TMEM245: variants seen among roughly 807,000 people sequenced by gnomAD.
TMEM245 encodes the protein protein CG-2.
Under a neutral mutation model 101.2 loss-of-function variants are expected in TMEM245, and 69 were observed. The observed-to-expected ratio is 0.68, with a 90% CI of 0.56 to 0.83. The LOEUF is 0.83. Ranked by LOEUF, TMEM245 falls within the 40% of genes least tolerant of loss-of-function variation. The pLI is 0.00. For missense variants in TMEM245, 1,075 were observed against 1,092.8 expected, an observed-to-expected ratio of 0.98 and a Z score of 0.23; for synonymous variants, 537 against 449.8, an observed-to-expected ratio of 1.19 and a Z score of -2.45.
At chr9:109,089,228 T>C (rs1470143358) in intron 5 of TMEM245, among the ~76,000 whole-genome samples, 3 of 139,136 alleles carry the variant, frequency 2.2e-5, no homozygotes, top group Non-Finnish European at 4.9e-5. Flanking sequence ...AGTGAGACCT[T>C]GTCTCAAAAA....
chr9:109,020,680 CTT>C (rs1021573443), intron 17 of TMEM245, among the ~76,000 whole-genome samples, 175 bp from the exon 18 acceptor site: 7 of 152,192 alleles, frequency 4.6e-5, no homozygotes, highest in African/African-American at 1.7e-4. Flanking sequence ...AGAACTCCAT[CTT>C]TTTGCTGGAT....
rs1830430388 is a variant in TMEM245, at chr9:109,106,574, G to A, written c.733C>T (p.Leu245=). Residue 245 remains leucine, a synonymous_variant, in exon 3 of 18, where the codon CTG becomes TTG. Coordinates refer to ENST00000374586, the MANE Select transcript of TMEM245 (RefSeq NM_032012.4). ...LAGSWRIPVF[L]VIVFLMSVGT... is the part of the protein sequence containing the mutation. ...ACAGACATCAGGAAAACAATAACCA[G>A]GAATACTGGAATTCTCCATGAGCCA... 2 of 1,612,466 alleles carry A rather than the reference G, an allele frequency of 1.2e-6. No homozygotes were observed. The highest frequency in any genetic ancestry group is 8.5e-7 in the Non-Finnish European group (1 of 1,179,204).
rs1827399932 is a variant in TMEM245, at chr9:109,015,304, T to C, written c.*5156A>G. The C allele has an allele frequency of 1.3e-5, 2 of 152,226 alleles. No individual in the cohort carries two copies. The highest frequency in any genetic ancestry group is 6.5e-5 in the Admixed American group (1 of 15,282). The allele number at this position is 152,226 out of a possible 1,614,324, so 9.4% of individuals were successfully genotyped here. A position where few individuals can be genotyped will look rare whatever the true frequency, so the allele number is the denominator to read the frequency against. ...TGTATTCGAATATTCTTTTTTACTT[T>C]TGAATTGCCTCCTTCACCTGAGAAC... On this transcript the variant is annotated 3_prime_UTR_variant, in exon 18 of 18. Transcript: ENST00000374586.
intron 9 of TMEM245, among the ~76,000 whole-genome samples, chr9:109,065,452 A>G (rs1388923556): frequency 2.0e-5 from 3 of 152,204 alleles, no homozygotes; most frequent in African/African-American, 4.8e-5. Flanking sequence ...ATCAGAAAGA[A>G]TGCAGGAAAT....
At chr9:109,041,038 A>G (rs936946570) in intron 14 of TMEM245, among the ~76,000 whole-genome samples, 1 of 152,204 alleles carries the variant, frequency 6.6e-6, no homozygotes, top group African/African-American at 2.4e-5. Context: ...CGAAAAAACT[A>G]ATAGTCCACG....
Position 109,119,545 on chromosome 9 carries a change from C to G in TMEM245, c.369G>C (p.Ala123=), listed in dbSNP as rs751838293. The change falls in exon 1 of 18, where the codon GCG becomes GCC. Residue 123 remains alanine, a synonymous_variant. Coordinates refer to ENST00000374586, the MANE Select transcript of TMEM245 (RefSeq NM_032012.4). ...CGACGAAGCAGAGCGGCAGGAGCAG[C>G]GCGGCCAGGACGATGGGCGTGTGCG... is the stretch of plus-strand genomic sequence containing the variant. ...HRAHTPIVLA[A]LLLPLCFVDY... The G allele has an allele frequency of 1.3e-6, 2 of 1,531,518 alleles. No individual in the cohort carries two copies. Among genetic ancestry groups the G allele is most frequent in the African/African-American group, 2.8e-5 (2 of 70,660 alleles). 94.9% of individuals were successfully genotyped at this position (1,531,518 alleles called of 1,614,324 possible).
chr9:109,071,339 T>C (rs188732804), intron 9 of TMEM245, among the ~76,000 whole-genome samples: 18 of 151,528 alleles, frequency 1.2e-4, no homozygotes, highest in Admixed American at 9.9e-4. Context: ...CCAGGCACAG[T>C]GGCTCATGCC....
chr9:109,051,068 A>G (rs1588035016), intron 12 of TMEM245, among the ~76,000 whole-genome samples: 1 of 151,982 alleles, frequency 6.6e-6, no homozygotes, highest in Admixed American at 6.6e-5. Context: ...AGGCGGGTGG[A>G]TCACTTGAGG....
chr9:109,064,426 C>A (rs1365116144), intron 10 of TMEM245, 51 bp downstream of exon 10: 1 of 1,523,322 alleles, frequency 6.6e-7, no homozygotes, highest in Non-Finnish European at 9.0e-7. Flanking sequence ...CAAGCAACCA[C>A]CAGTAAAGAC....
At chr9:109,092,742 A>G (rs1830040736) in intron 4 of TMEM245, among the ~76,000 whole-genome samples, 1 of 152,222 alleles carries the variant, frequency 6.6e-6, no homozygotes, top group Admixed American at 6.5e-5. Flanking sequence ...CTCTCAGCAC[A>G]GACTAAGGTG....
Position 109,057,303 on chromosome 9 carries a change from C to T in TMEM245, c.1742G>A (p.Arg581Lys), listed in dbSNP as rs778881069. 6.2e-7 allele frequency: 1 copy of T among 1,614,058 alleles called. No homozygotes were observed. The highest frequency in any genetic ancestry group is 8.5e-7 in the Non-Finnish European group (1 of 1,179,930). Residue 581 changes from arginine to lysine, a missense_variant, in exon 12 of 18, where the codon AGG (arginine) becomes AAG (lysine). Transcript: ENST00000374586. ...WFVKNVTHSG[R>K]HKGQKLHVSR... ...GACATGCAACTTCTGTCCTTTGTGCCTTCCAGAGTGTGTTACATTCTATGG... is the reference window on the plus strand; with the variant it reads ...GACATGCAACTTCTGTCCTTTGTGCTTTCCAGAGTGTGTTACATTCTATGG...
intron 17 of TMEM245, among the ~76,000 whole-genome samples, chr9:109,031,680 G>T (rs944243083): frequency 6.6e-6 from 1 of 152,102 alleles, no homozygotes; most frequent in African/African-American, 2.4e-5. Context: ...TATGAGTAGT[G>T]GTTACATGGG....
chr9:109,102,165 T>G (rs1217851105), intron 3 of TMEM245, among the ~76,000 whole-genome samples: 1 of 152,134 alleles, frequency 6.6e-6, no homozygotes, highest in African/African-American at 2.4e-5. Flanking sequence ...GGAAATTTAC[T>G]TCCACTAGTC....
intron 4 of TMEM245, among the ~76,000 whole-genome samples, chr9:109,091,833 T>A: frequency 6.6e-6 from 1 of 152,168 alleles, no homozygotes; most frequent in East Asian, 1.9e-4. Flanking sequence ...AGATATACCA[T>A]ACACATCAGA....
intron 9 of TMEM245, among the ~76,000 whole-genome samples, chr9:109,068,872 G>C (rs1020233346): frequency 1.3e-5 from 2 of 152,184 alleles, no homozygotes; most frequent in African/African-American, 4.8e-5. Flanking sequence ...AATATTGAAG[G>C]AAAGGGTAGA....
intron 14 of TMEM245, among the ~76,000 whole-genome samples, chr9:109,043,034 C>T (rs1410207710): frequency 6.6e-6 from 1 of 151,862 alleles, no homozygotes; most frequent in African/African-American, 2.4e-5. Context: ...ATGTGCTGTG[C>T]ATATGCAAGT....
At chr9:109,065,208 C>T (rs945276913) in intron 9 of TMEM245, among the ~76,000 whole-genome samples, 10 of 152,274 alleles carry the variant, frequency 6.6e-5, no homozygotes, top group Admixed American at 5.2e-4. Flanking sequence ...GAAAATGGTT[C>T]TGGGAGACTG....
intron 1 of TMEM245, among the ~76,000 whole-genome samples, chr9:109,116,200 G>A (rs1312993934): frequency 6.6e-6 from 1 of 152,198 alleles, no homozygotes; most frequent in Admixed American, 6.5e-5. Context: ...CTCTTCAGCA[G>A]CAGGCTCATG....
intron 8 of TMEM245, among the ~76,000 whole-genome samples, chr9:109,078,643 A>G (rs1315180256): frequency 6.6e-6 from 1 of 151,948 alleles, no homozygotes; most frequent in African/African-American, 2.4e-5. Flanking sequence ...GTGATGTGTA[A>G]TTTTTCTCTT....
Sources: allele counts gnomAD v4.1 joint callset (sites outside exome capture counted in the v4.1 genomes callset), GRCh38; gene constraint gnomAD v4.1.1; transcripts MANE v1.5; gene names NCBI Gene and HGNC (gene_info 2026-07-23, HGNC 2026-07-21).